The following SLC26A11 variants were observed in gnomAD, a reference collection of about 807,000 sequenced individuals.
SLC26A11 encodes sodium-independent sulfate anion transporter.
In SLC26A11, 58 loss-of-function variants were observed where a neutral mutation model predicts 62.2. The ratio of observed to expected loss-of-function variants is 0.93; its 90% CI spans 0.76 to 1.16. The LOEUF (loss-of-function observed/expected upper bound fraction) is 1.16, where lower values mean the gene tolerates loss of function less well. Among genes scored for constraint, SLC26A11 ranks in the 50% most tolerant of loss-of-function variants. SLC26A11 has a pLI of 0.00. For synonymous variants in SLC26A11, 411 were observed against 368.9 expected (o/e 1.11, Z -1.31); for missense variants, 790 against 794.3 (o/e 0.99, Z 0.06).
In SLC26A11 at chr17:80,223,803, C is replaced by T. The variant is rs377183407; in HGVS notation, c.513+466C>T. Among the ~76,000 whole-genome samples the T allele has an allele frequency of 6.6e-5, 10 of 152,274 alleles. No individual in the cohort carries two copies. Among genetic ancestry groups the T allele is most frequent in the South Asian group, 2.1e-4 (1 of 4,828 alleles). ...TTTCTGTTTAATATTTTTTAAATGC[C>T]ATGCCTTTTATATTTTCTTTTAAAA... On this transcript the variant is annotated intron_variant, in intron 5 of 17. Coordinates refer to ENST00000361193, the MANE Select transcript of SLC26A11 (RefSeq NM_001166347.2). The surrounding 1 kb of genome is among the most constrained non-coding windows in gnomAD (Gnocchi z 4.6).
chr17:80,248,441 G>T (rs1598844009), intron 14 of SLC26A11, 134 bp from the exon 15 acceptor site: 1 of 1,249,808 alleles, frequency 8.0e-7, no homozygotes, highest in Non-Finnish European at 1.1e-6. Context: ...GGGCCATGGG[G>T]GTCTCCCCTT....
At chr17:80,240,541 G>C (rs541904194) in intron 9 of SLC26A11, among the ~76,000 whole-genome samples, 2 of 152,020 alleles carry the variant, frequency 1.3e-5, no homozygotes, top group Admixed American at 1.3e-4. Flanking sequence ...AGTGGCTCAC[G>C]TCTGTAATCC....
At chr17:80,242,060 T>C (rs2042880472) in intron 10 of SLC26A11, among the ~76,000 whole-genome samples, 1 of 152,246 alleles carries the variant, frequency 6.6e-6, no homozygotes, top group South Asian at 2.1e-4. Flanking sequence ...CACTACAACC[T>C]CTGCCTCCTG....
At position 80,246,790 on chromosome 17, in the gene SLC26A11, G is replaced by A. The variant is rs2043012001; in HGVS notation, c.1294+141G>A. On this transcript the variant is annotated intron_variant, in intron 13 of 17. Transcript: ENST00000361193. This position sits in a 1 kb window ranked among gnomAD's most constrained non-coding sequence, Gnocchi z 4.4. ...TAGGGCAGTCCCGGAACAGAGAAGT[G>A]GATGGCCAGGAGATGGCCCCAGAGA... 1 of 1,148,704 alleles carries A rather than the reference G, an allele frequency of 8.7e-7. No homozygotes were observed. Among genetic ancestry groups the A allele is most frequent in the Admixed American group, 2.3e-5 (1 of 43,082 alleles). The allele number at this position is 1,148,704 out of a possible 1,614,324, so 71.2% of individuals were successfully genotyped here. A position where few individuals can be genotyped will look rare whatever the true frequency, so the allele number is the denominator to read the frequency against.
At chr17:80,238,821 T>TG (rs1491205148) in intron 9 of SLC26A11, among the ~76,000 whole-genome samples, 1 of 114,190 alleles carries the variant, frequency 8.8e-6, no homozygotes, top group East Asian at 2.3e-4. Flanking sequence ...GTTTTTTTTG[T>TG]TTTTTGTTTT....
Position 80,237,091 on chromosome 17 carries a change from C to A in SLC26A11, c.900C>A (p.Thr300=). The A allele has an allele frequency of 1.9e-6, 3 of 1,612,110 alleles. No homozygotes were observed. The highest frequency in any genetic ancestry group is 2.5e-6 in the Non-Finnish European group (3 of 1,178,798). Residue 300 remains threonine (T), a synonymous_variant, in exon 8 of 18, where the codon ACC becomes ACA. Coordinates refer to ENST00000361193, the MANE Select transcript of SLC26A11 (RefSeq NM_001166347.2). Reference sequence around the variant, plus strand: ...CAGCCAACGGGACGATCTCCTTCACCGAGATGGTGCAGGTGGGCGGAGCCG... The same window carrying A: ...CAGCCAACGGGACGATCTCCTTCACAGAGATGGTGCAGGTGGGCGGAGCCG... The part of the protein sequence containing the change: ...VTTANGTISF[T]EMVQDMGAGL...
rs1285032369 is a variant in SLC26A11, at chr17:80,228,116, T to C, written c.736+156T>C. Among the ~76,000 whole-genome samples the C allele has an allele frequency of 1.3e-5, 2 of 152,110 alleles. No homozygotes were observed. The highest frequency in any genetic ancestry group is 4.8e-5 in the African/African-American group (2 of 41,408). On this transcript the variant is annotated intron_variant, in intron 7 of 17. Coordinates refer to ENST00000361193, the MANE Select transcript of SLC26A11 (RefSeq NM_001166347.2). This position sits in a 1 kb window ranked among gnomAD's most constrained non-coding sequence, Gnocchi z 4.1. ...ACACCACACCAAACTCTGGGACATG[T>C]ACTTTTTATTTAATTAATTAATTAA... is the stretch of plus-strand genomic sequence containing the variant.
chr17:80,225,557 A>G (rs1306817454), intron 5 of SLC26A11: 1 of 368,596 alleles, frequency 2.7e-6, no homozygotes, highest in East Asian at 5.7e-5. Context: ...GGTCACCTAC[A>G]TTGTTTTTTA....
At chr17:80,238,827 GT>G (rs1197738028) in intron 9 of SLC26A11, among the ~76,000 whole-genome samples, 3 of 130,870 alleles carry the variant, frequency 2.3e-5, no homozygotes, top group Non-Finnish European at 3.1e-5. Flanking sequence ...TTTGTTTTTT[GT>G]TTTTTTTTTT....
chr17:80,248,812 A>AC, intron 15 of SLC26A11, 138 bp downstream of exon 15: 2 of 898,418 alleles, frequency 2.2e-6, no homozygotes, highest in Non-Finnish European at 3.4e-6. Flanking sequence ...AGTGGGCTGG[A>AC]CCGTCCTCTG....
Position 80,252,575 on chromosome 17 carries a change from C to T in SLC26A11, c.1730-50C>T. On this transcript the variant is annotated intron_variant, in intron 17 of 17. Transcript: ENST00000361193. The surrounding 1 kb of genome is among the most constrained non-coding windows in gnomAD (Gnocchi z 5.2). ...AATCCCTTCCTGTGAACTGACCCAT[C>T]CTCACTTCTGAGCTTTTAGTGCTTG... 1 of 1,572,506 alleles carries T rather than the reference C, an allele frequency of 6.4e-7. No individual in the cohort carries two copies. Among genetic ancestry groups the T allele is most frequent in the Non-Finnish European group, 8.7e-7 (1 of 1,146,012 alleles).
chr17:80,225,738 G>A (rs903916771), intron 5 of SLC26A11, 99 bp from the exon 6 acceptor site: 2 of 1,054,636 alleles, frequency 1.9e-6, no homozygotes, highest in Non-Finnish European at 2.9e-6. Context: ...AGGGCCGGGG[G>A]ACACTGTCTC....
Position 80,237,079 on chromosome 17 carries a change from G to A in SLC26A11, c.888G>A (p.Thr296=), listed in dbSNP as rs769681271. Residue 296 remains threonine (T), a synonymous_variant, in exon 8 of 18, where the codon ACG becomes ACA. Transcript: ENST00000361193. ...PPFSVTTANG[T]ISFTEMVQDM... The stretch of plus-strand genomic sequence containing the variant: ...TCTCAGTGACCACAGCCAACGGGAC[G>A]ATCTCCTTCACCGAGATGGTGCAGG... The A allele has an allele frequency of 6.3e-5, 101 of 1,613,182 alleles. 1 individual carries two copies. The East Asian group carries it at 8.3e-4, about 13-fold the overall frequency.
intron 9 of SLC26A11, among the ~76,000 whole-genome samples, chr17:80,240,080 A>C (rs1029001227): frequency 6.6e-6 from 1 of 152,210 alleles, no homozygotes; most frequent in Non-Finnish European, 1.5e-5. Context: ...AAAGCTTGCC[A>C]ACCTCAGCTG....
At chr17:80,251,886 C>A (rs774437564) in intron 17 of SLC26A11, among the ~76,000 whole-genome samples, 11 of 152,082 alleles carry the variant, frequency 7.2e-5, no homozygotes, top group Non-Finnish European at 1.5e-4. Flanking sequence ...TATATGTTTG[C>A]GGTTTTACGT....
At chr17:80,239,490 C>T (rs951333968) in intron 9 of SLC26A11, among the ~76,000 whole-genome samples, 3 of 150,710 alleles carry the variant, frequency 2.0e-5, no homozygotes, top group Admixed American at 6.6e-5. Flanking sequence ...CCTGGGTTCA[C>T]GCCATTCTCC....
chr17:80,233,925 C>T (rs2042626141), intron 7 of SLC26A11, among the ~76,000 whole-genome samples: 1 of 151,808 alleles, frequency 6.6e-6, no homozygotes, highest in Non-Finnish European at 1.5e-5. Flanking sequence ...ATTTTGCCTT[C>T]ATTTTTCAAA....
rs2043095246 is a variant in SLC26A11, at chr17:80,249,239, C to T, written c.1608C>T (p.Leu536=). The part of the protein sequence containing the change: ...YTVVLGLGEL[L]QDFQKQGVAL... Reference sequence around the variant, plus strand: ...TGGTGCTGGGACTCGGCGAGCTCCTCCAGGACTTCCAGAAGCAGGGCGTCG... The same window carrying T: ...TGGTGCTGGGACTCGGCGAGCTCCTTCAGGACTTCCAGAAGCAGGGCGTCG... Residue 536 remains leucine, a synonymous_variant, in exon 16 of 18, where the codon CTC becomes CTT. Transcript: ENST00000361193. The T allele has an allele frequency of 3.7e-6, 6 of 1,611,580 alleles. No individual in the cohort carries two copies. The highest frequency in any genetic ancestry group is 5.1e-6 in the Non-Finnish European group (6 of 1,179,996).
chr17:80,233,046 A>G (rs1026317800), intron 7 of SLC26A11, among the ~76,000 whole-genome samples: 11 of 152,056 alleles, frequency 7.2e-5, no homozygotes, highest in African/African-American at 2.7e-4. Context: ...TCAGGAGTCT[A>G]AGACCAGCCT....
Sources: gnomAD v4.1 joint callset for allele counts (sites outside exome capture counted in the v4.1 genomes callset) on GRCh38, gnomAD v4.1.1 for gene constraint, Gnocchi (gnomAD v3.1) non-coding constraint, MANE v1.5 for transcripts, NCBI Gene and HGNC (gene_info 2026-07-23, HGNC 2026-07-21) for gene names.